DMD: variants seen among roughly 807,000 people sequenced by gnomAD.
The protein encoded by DMD is dystrophin, also known as mutant dystrophin.
DMD carries 63 observed loss-of-function variants against 330.1 expected under a neutral mutation model. The observed-to-expected ratio is 0.19, with a 90% CI of 0.16 to 0.24. The LOEUF is 0.24. Ranked by LOEUF, DMD falls within the 10% of genes least tolerant of loss-of-function variation. The pLI, the probability that DMD is intolerant of heterozygous loss-of-function variation, is 1.00. For missense variants in DMD, 3,344 were observed against 2,684.1 expected, an observed-to-expected ratio of 1.25 and a Z score of -5.43; for synonymous variants, 1,223 against 959.8, an observed-to-expected ratio of 1.27 and a Z score of -5.07.
At chrX:31,797,644 G>A (rs1015044229) in intron 50 of DMD, among the ~76,000 whole-genome samples, 3 of 112,046 alleles carry the variant, frequency 2.7e-5, no homozygotes, top group African/African-American at 9.7e-5. Flanking sequence ...ACTATAGTAA[G>A]AAAGACAGAG....
chrX:32,465,377 C>A (rs1214500607), intron 23 of DMD, among the ~76,000 whole-genome samples: 2 of 110,897 alleles, frequency 1.8e-5, no homozygotes, highest in African/African-American at 6.6e-5. Context: ...GTGTTATTTT[C>A]TTCTGTTTTA....
At chrX:32,485,793 G>T (rs1201463033) in intron 20 of DMD, among the ~76,000 whole-genome samples, 1 of 85,529 alleles carries the variant, frequency 1.2e-5, no homozygotes, top group African/African-American at 4.2e-5. Flanking sequence ...GCCCAGGCTG[G>T]AGTGCAATGA....
intron 44 of DMD, among the ~76,000 whole-genome samples, chrX:32,203,759 C>G (rs2097051505): frequency 9.0e-6 from 1 of 111,583 alleles, no homozygotes; most frequent in African/African-American, 3.3e-5. Flanking sequence ...ATCTATATAT[C>G]AAACAGAGAT....
At chrX:33,152,389 G>A in intron 1 of DMD, among the ~76,000 whole-genome samples, 1 of 109,106 alleles carries the variant, frequency 9.2e-6, no homozygotes, top group African/African-American at 3.3e-5. Context: ...GGCCAGGCTG[G>A]TCTTGAACCC....
chrX:32,518,052 A>G lies in DMD; in HGVS notation c.2248T>C (p.Phe750Leu). 8.3e-7 allele frequency: 1 copy of G among 1,208,705 alleles called. No individual in the cohort carries two copies. Among genetic ancestry groups the G allele is most frequent in the Non-Finnish European group, 1.1e-6 (1 of 894,051 alleles). Residue 750 changes from phenylalanine (F) to leucine (L), a missense_variant, in exon 18 of 79, where the codon TTT (phenylalanine) becomes CTT (leucine). Physicochemically the swap from Phe to Leu is conservative, Grantham distance 22 (BLOSUM62 0). Transcript: ENST00000357033. The stretch of plus-strand genomic sequence containing the variant: ...TCTGAGAAGTTGCCTTCCTTCCGAA[A>G]GATTGCAAATTCAGGACTCTGCAAC... ...AVLQSPEFAI[F>L]RKEGNFSDLK...
intron 48 of DMD, among the ~76,000 whole-genome samples, chrX:31,873,329 C>G (rs931953622): frequency 9.0e-6 from 1 of 111,211 alleles, no homozygotes; most frequent in East Asian, 2.9e-4. Context: ...TAAACATAGT[C>G]GAGAACATTT....
chrX:31,940,231 C>T (rs1045011110), intron 45 of DMD, among the ~76,000 whole-genome samples: 6 of 111,698 alleles, frequency 5.4e-5, no homozygotes, highest in Non-Finnish European at 1.1e-4. Flanking sequence ...AAAGGGTGAT[C>T]ATAGAAGGTT....
At chrX:32,297,207 T>C (rs1421638045) in intron 42 of DMD, among the ~76,000 whole-genome samples, 1 of 110,277 alleles carries the variant, frequency 9.1e-6, no homozygotes, top group Non-Finnish European at 1.9e-5. Context: ...AAATATTTGT[T>C]GAAAAAACCT....
chrX:31,322,413 A>G lies in DMD; in HGVS notation c.9224+1185T>C, dbSNP rs184504645. ...TTTGAGTGACTAATGAATTAAATAT[A>G]ACAATAATAAAATTAAATTCATAAA... On this transcript the variant is annotated intron_variant, in intron 62 of 78. Transcript: ENST00000357033. 2.1e-3 allele frequency among the ~76,000 whole-genome samples: 233 copies of G among 112,372 alleles called. 1 individual carries two copies. The highest frequency in any genetic ancestry group is 6.9e-3 in the African/African-American group (214 of 30,985).
chrX:32,490,306 A>C (rs1179448452), intron 20 of DMD, among the ~76,000 whole-genome samples: 1 of 111,993 alleles, frequency 8.9e-6, no homozygotes, highest in Non-Finnish European at 1.9e-5. Context: ...AAAAGCACAT[A>C]GCTCATAGTA....
chrX:32,204,422 A>T (rs1454918209), intron 44 of DMD, among the ~76,000 whole-genome samples: 1 of 112,402 alleles, frequency 8.9e-6, no homozygotes, highest in Non-Finnish European at 1.9e-5. Flanking sequence ...CAATGAAATA[A>T]ATCTTGTATT....
chrX:32,807,120 T>A (rs1417072925), intron 7 of DMD, among the ~76,000 whole-genome samples: 2 of 44,637 alleles, frequency 4.5e-5, no homozygotes, highest in Non-Finnish European at 7.2e-5. Context: ...GACGGAAACA[T>A]TTAAAAAAAA....
intron 53 of DMD, among the ~76,000 whole-genome samples, chrX:31,678,775 G>A (rs10521976): frequency 0.12 from 13,099 of 111,365 alleles, 606 homozygotes; most frequent in Admixed American, 0.21. Context: ...AATTAAGCCC[G>A]AATGGTTGAC....
intron 1 of DMD, among the ~76,000 whole-genome samples, chrX:33,129,325 CTTTTTTT>C (rs58505662): frequency 9.0e-3 from 276 of 30,677 alleles, no homozygotes; most frequent in African/African-American, 0.035. Context: ...TTAAGGTTTG[CTTTTTTT>C]TTTTTTTTTT....
Position 32,650,439 on chromosome X carries a change from T to G in DMD, c.961-5287A>C, listed in dbSNP as rs763810668. On this transcript the variant is annotated intron_variant, in intron 9 of 78. Transcript: ENST00000357033. ...ATTCTATAATCTTTTTACCCCTCAGTAAAAGATTATTTCCAAGATAAAGGA... is the reference window on the plus strand; with the variant it reads ...ATTCTATAATCTTTTTACCCCTCAGGAAAAGATTATTTCCAAGATAAAGGA... Among the ~76,000 whole-genome samples, 10 of 111,526 alleles carry G rather than the reference T, an allele frequency of 9.0e-5. No homozygotes were observed. In the East Asian group the frequency reaches 2.5e-3, roughly 28 times the overall value.
intron 44 of DMD, among the ~76,000 whole-genome samples, chrX:32,013,915 T>A (rs1233008348): frequency 8.9e-6 from 1 of 112,509 alleles, no homozygotes; most frequent in Non-Finnish European, 1.9e-5. Flanking sequence ...GTTCAATCCA[T>A]ACATGATTTA....
intron 45 of DMD, among the ~76,000 whole-genome samples, chrX:31,946,796 T>G (rs749463793): frequency 5.0e-5 from 5 of 100,638 alleles, no homozygotes; most frequent in African/African-American, 1.8e-4. Flanking sequence ...CTGAAGGGAG[T>G]TTTTTTTTTT....
At chrX:33,060,992 A>G (rs1268977346) in intron 1 of DMD, among the ~76,000 whole-genome samples, 2 of 112,250 alleles carry the variant, frequency 1.8e-5, no homozygotes, top group Admixed American at 9.5e-5. Flanking sequence ...GTGACTCGCT[A>G]AAGAAGGAAA....
intron 19 of DMD, among the ~76,000 whole-genome samples, chrX:32,497,045 C>G (rs1408257889): frequency 9.0e-6 from 1 of 111,631 alleles, no homozygotes; most frequent in Non-Finnish European, 1.9e-5. Context: ...GAAAGTTTTT[C>G]CAGTGATCAT....
Sources: gnomAD v4.1 joint callset for allele counts (sites outside exome capture counted in the v4.1 genomes callset) on GRCh38, gnomAD v4.1.1 for gene constraint, MANE v1.5 for transcripts, NCBI Gene and HGNC (gene_info 2026-07-23, HGNC 2026-07-21) for gene names.